Variants in ZNF395 observed in about 807,000 individuals in gnomAD.
ZNF395 encodes the protein HD gene regulatory region-binding protein 2.
Under a neutral mutation model 57.7 loss-of-function variants are expected in ZNF395, and 20 were observed. The ratio of observed to expected loss-of-function variants is 0.35; its 90% CI spans 0.24 to 0.50. ZNF395 has a LOEUF of 0.50. Ranked by LOEUF, ZNF395 falls within the 20% of genes least tolerant of loss-of-function variation. The probability of loss-of-function intolerance (pLI) is 0.97; values close to 1 mark genes in which losing one functional copy is unlikely to be tolerated. For missense variants in ZNF395, 606 were observed against 671.2 expected (o/e 0.90, Z 1.07); for synonymous variants, 295 against 275.9 (o/e 1.07, Z -0.69).
At chr8:28,382,083 C>G (rs1802116212) in intron 1 of ZNF395, among the ~76,000 whole-genome samples, 1 of 152,082 alleles carries the variant, frequency 6.6e-6, no homozygotes, top group African/African-American at 2.4e-5. Flanking sequence ...CTTGAAAACT[C>G]AGGTCGCAAA....
chr8:28,355,806 G>C (rs1312319913), intron 4 of ZNF395, among the ~76,000 whole-genome samples: 1 of 152,232 alleles, frequency 6.6e-6, no homozygotes, highest in Non-Finnish European at 1.5e-5. Flanking sequence ...TTTGAGTCAA[G>C]AAAGTAAGTT....
At chr8:28,364,906 G>C (rs556785339) in intron 1 of ZNF395, among the ~76,000 whole-genome samples, 25 of 152,316 alleles carry the variant, frequency 1.6e-4, no homozygotes, top group African/African-American at 5.1e-4. Flanking sequence ...GCTTTAATCT[G>C]ACCCTGTTAA....
At position 28,345,661 on chromosome 8, in the gene ZNF395, A is replaced by G. The variant is rs1801590396; in HGVS notation, c.*3058T>C. 6.6e-6 allele frequency: 1 copy of G among 152,394 alleles called. No individual in the cohort carries two copies. Among genetic ancestry groups the G allele is most frequent in the South Asian group, 2.1e-4 (1 of 4,820 alleles). 9.4% of individuals were successfully genotyped at this position (152,394 alleles called of 1,614,324 possible). A position where few individuals can be genotyped will look rare whatever the true frequency, so the allele number is the denominator to read the frequency against. On this transcript the variant is annotated 3_prime_UTR_variant, in exon 10 of 10. Transcript: ENST00000344423. Reference sequence around the variant, plus strand: ...TTGCTGTAAAAACATTACATTTCACATTTTTAAAAAATTTTTTAACAGTAA... The same window carrying G: ...TTGCTGTAAAAACATTACATTTCACGTTTTTAAAAAATTTTTTAACAGTAA...
intron 1 of ZNF395, among the ~76,000 whole-genome samples, chr8:28,370,090 A>G (rs1801959219): frequency 6.6e-6 from 1 of 152,240 alleles, no homozygotes. Flanking sequence ...CTGAAGCCTG[A>G]TTTTTAAAAA....
chr8:28,386,083 G>C (rs1802176476), intron 1 of ZNF395: 1 of 146,912 alleles, frequency 6.8e-6, no homozygotes, highest in Non-Finnish European at 1.5e-5. Flanking sequence ...CTCAGCTCCG[G>C]GCTGCAGCGG....
chr8:28,377,007 C>A (rs1279338353), intron 1 of ZNF395, among the ~76,000 whole-genome samples: 1 of 152,148 alleles, frequency 6.6e-6, no homozygotes, highest in Non-Finnish European at 1.5e-5. Context: ...ATGAGATAAA[C>A]CTCTATTCTC....
At chr8:28,358,743 AAAG>A (rs1247260261) in intron 3 of ZNF395, among the ~76,000 whole-genome samples, 1 of 152,216 alleles carries the variant, frequency 6.6e-6, no homozygotes, top group Non-Finnish European at 1.5e-5. Flanking sequence ...TTAAAAATTA[AAAG>A]AAGGATATAA....
intron 1 of ZNF395, among the ~76,000 whole-genome samples, chr8:28,376,411 G>C (rs1585864383): frequency 6.6e-6 from 1 of 152,094 alleles, no homozygotes; most frequent in Middle Eastern, 3.4e-3. Flanking sequence ...CCTGAGGTCA[G>C]TTCAAGACCA....
At chr8:28,375,250 GGTGGCACCTACCT>G (rs1313501390) in intron 1 of ZNF395, 1 of 152,270 alleles carries the variant, frequency 6.6e-6, no homozygotes, top group Admixed American at 6.5e-5. Context: ...AGCCGGGTGT[GGTGGCACCTACCT>G]GTGGTCCCAA....
intron 1 of ZNF395, among the ~76,000 whole-genome samples, chr8:28,374,299 T>C (rs1411936451): frequency 2.0e-5 from 3 of 152,182 alleles, no homozygotes; most frequent in Non-Finnish European, 4.4e-5. Context: ...GATGTGAGTA[T>C]GTGAGGCATC....
intron 1 of ZNF395, among the ~76,000 whole-genome samples, chr8:28,380,319 C>T (rs1001684649): frequency 2.0e-5 from 3 of 152,178 alleles, no homozygotes; most frequent in Non-Finnish European, 4.4e-5. Context: ...TTAAATTCAT[C>T]CCTTACTGAA....
chr8:28,380,258 A>C (rs1802093255), intron 1 of ZNF395, among the ~76,000 whole-genome samples: 1 of 152,256 alleles, frequency 6.6e-6, no homozygotes, highest in South Asian at 2.1e-4. Context: ...TTATCAGGAT[A>C]CTGAAAATCT....
At chr8:28,360,735 G>A (rs1237136930) in intron 2 of ZNF395, 150 bp downstream of exon 2, 6 of 1,110,380 alleles carry the variant, frequency 5.4e-6, no homozygotes, top group Admixed American at 2.8e-5. Flanking sequence ...TCTCTTGGGC[G>A]ATCTGCTGCC....
chr8:28,373,165 C>T (rs895394159), intron 1 of ZNF395, among the ~76,000 whole-genome samples: 3 of 152,180 alleles, frequency 2.0e-5, no homozygotes, highest in African/African-American at 4.8e-5. Flanking sequence ...GTTGAATGCA[C>T]GTAAAATCGT....
intron 4 of ZNF395, among the ~76,000 whole-genome samples, chr8:28,353,786 T>A (rs1563337022): frequency 6.6e-6 from 1 of 151,456 alleles, no homozygotes; most frequent in African/African-American, 2.4e-5. Context: ...ATACATTAAA[T>A]AAAGGGGGGA....
At chr8:28,385,176 T>G (rs1802156957) in intron 1 of ZNF395, 1 of 152,208 alleles carries the variant, frequency 6.6e-6, no homozygotes. Flanking sequence ...TAGCCTGGCA[T>G]CATGGGAACG....
intron 1 of ZNF395, among the ~76,000 whole-genome samples, chr8:28,371,927 C>T (rs187517105): frequency 6.6e-6 from 1 of 152,182 alleles, no homozygotes; most frequent in African/African-American, 2.4e-5. Flanking sequence ...TGGGCACCTG[C>T]AATCCCAGCT....
At chr8:28,353,134 G>A (rs375975466) in intron 5 of ZNF395, 39 bp downstream of exon 5, 13 of 1,596,740 alleles carry the variant, frequency 8.1e-6, no homozygotes, top group East Asian at 6.7e-5. Context: ...GACATCATCC[G>A]CTCCAGCCTG....
At chr8:28,354,963 G>A (rs1010022346) in intron 4 of ZNF395, among the ~76,000 whole-genome samples, 2 of 151,696 alleles carry the variant, frequency 1.3e-5, no homozygotes, top group African/African-American at 4.8e-5. Flanking sequence ...CACTCACAAT[G>A]GCTCAAATGC....
Sources: allele counts gnomAD v4.1 joint callset (sites outside exome capture counted in the v4.1 genomes callset), GRCh38; gene constraint gnomAD v4.1.1; transcripts MANE v1.5; gene names NCBI Gene and HGNC (gene_info 2026-07-23, HGNC 2026-07-21).